BCHE: variants seen among roughly 807,000 people sequenced by gnomAD.
The protein encoded by BCHE is cholinesterase.
Under a neutral mutation model 51.3 loss-of-function variants are expected in BCHE, and 48 were observed. That is an observed-to-expected ratio of 0.94 (90% CI 0.74 to 1.19). The LOEUF (loss-of-function observed/expected upper bound fraction) is 1.19. Ranked by LOEUF, BCHE falls within the 50% of genes most tolerant of loss-of-function variation. BCHE has a pLI of 0.00. For synonymous variants in BCHE, 251 were observed against 238.0 expected, an observed-to-expected ratio of 1.05 and a Z score of -0.50; for missense variants, 847 against 708.2, an observed-to-expected ratio of 1.20 and a Z score of -2.23.
intron 2 of BCHE, among the ~76,000 whole-genome samples, chr3:165,796,205 G>A (rs1713369618): frequency 6.6e-6 from 1 of 152,126 alleles, no homozygotes; most frequent in Non-Finnish European, 1.5e-5. Context: ...ATGGAGGCAT[G>A]CAAAAATATT....
intron 2 of BCHE, among the ~76,000 whole-genome samples, chr3:165,808,119 G>A (rs944969919): frequency 6.6e-6 from 1 of 152,036 alleles, no homozygotes; most frequent in Non-Finnish European, 1.5e-5. Context: ...GAGTAGCTGG[G>A]ACTACAGGTG....
chr3:165,836,343 T>G (rs1232141325), intron 1 of BCHE, among the ~76,000 whole-genome samples: 1 of 152,032 alleles, frequency 6.6e-6, no homozygotes, highest in East Asian at 1.9e-4. Context: ...TTGTATTTAT[T>G]GTAACTATGA....
At position 165,816,174 on chromosome 3, in the gene BCHE, T is replaced by C. The variant is rs971167248; in HGVS notation, c.1517+13343A>G. Among the ~76,000 whole-genome samples the C allele has an allele frequency of 3.3e-5, 5 of 151,880 alleles. No individual in the cohort carries two copies. In the South Asian group the frequency reaches 1.0e-3, roughly 31 times the overall value. ...CTAGGATGTTGTCTGTTTTTCTCTTTGCTACCTGTCTCTTGATTCCTTTTA... is the reference window on the plus strand; with the variant it reads ...CTAGGATGTTGTCTGTTTTTCTCTTCGCTACCTGTCTCTTGATTCCTTTTA... On this transcript the variant is annotated intron_variant, in intron 2 of 3. Transcript: ENST00000264381.
intron 1 of BCHE, among the ~76,000 whole-genome samples, chr3:165,836,002 G>A (rs1412913672): frequency 6.6e-6 from 1 of 151,796 alleles, no homozygotes; most frequent in Non-Finnish European, 1.5e-5. Flanking sequence ...ATCAAGAAAT[G>A]ACTCGAAGAA....
chr3:165,816,035 A>G lies in BCHE; in HGVS notation c.1517+13482T>C, dbSNP rs893560444. Among the ~76,000 whole-genome samples the G allele has an allele frequency of 9.2e-5, 14 of 151,994 alleles. No individual in the cohort carries two copies. The South Asian group carries it at 1.0e-3, about 11-fold the overall frequency. On this transcript the variant is annotated intron_variant, in intron 2 of 3. Transcript: ENST00000264381. ...GTCTTTCATCAAAAAAAAATCAATGAGTAATTCTCTTAAAATTTAGGGCAC... is the reference window on the plus strand; with the variant it reads ...GTCTTTCATCAAAAAAAAATCAATGGGTAATTCTCTTAAAATTTAGGGCAC...
At chr3:165,827,886 C>A in intron 2 of BCHE, 2 of 333,070 alleles carry the variant, frequency 6.0e-6, no homozygotes, top group South Asian at 2.3e-5. Context: ...TATAATAACC[C>A]ACATATCTTG....
intron 2 of BCHE, among the ~76,000 whole-genome samples, chr3:165,800,858 T>C (rs961452022): frequency 6.6e-6 from 1 of 152,160 alleles, no homozygotes; most frequent in African/African-American, 2.4e-5. Context: ...CTGAGATCCA[T>C]CAGTTTAATG....
chr3:165,781,075 A>G (rs777798842), intron 3 of BCHE, among the ~76,000 whole-genome samples: 4 of 151,866 alleles, frequency 2.6e-5, no homozygotes, highest in Non-Finnish European at 5.9e-5. Context: ...AACCCTGTCT[A>G]TACTAAAAAT....
At position 165,829,552 on chromosome 3, in the gene BCHE, G is replaced by A. The variant is rs764244573; in HGVS notation, c.1482C>T (p.Ser494=). 1.2e-6 allele frequency: 2 copies of A among 1,613,514 alleles called. No individual in the cohort carries two copies. The highest frequency in any genetic ancestry group is 2.2e-5 in the East Asian group (1 of 44,868). The change falls in exon 2 of 4, where the codon TCC becomes TCT. Residue 494 remains serine (S), a synonymous_variant. Transcript: ENST00000264381. ...YTKAEEILSR[S]IVKRWANFAK... is the part of the protein sequence containing the mutation. ...CAAAATTTGCCCACCGTTTCACTATGGATCTACTCAAAATTTCCTCGGCTT... is the reference window on the plus strand; with the variant it reads ...CAAAATTTGCCCACCGTTTCACTATAGATCTACTCAAAATTTCCTCGGCTT...
intron 2 of BCHE, among the ~76,000 whole-genome samples, chr3:165,809,378 C>T (rs1160984229): frequency 1.3e-5 from 2 of 152,052 alleles, no homozygotes; most frequent in African/African-American, 4.8e-5. Context: ...AAGCATTACA[C>T]TATTGCCAAA....
At chr3:165,801,538 A>C (rs1223202592) in intron 2 of BCHE, among the ~76,000 whole-genome samples, 1 of 152,184 alleles carries the variant, frequency 6.6e-6, no homozygotes, top group Admixed American at 6.5e-5. Context: ...CAAAGCATAT[A>C]ATATACATTA....
chr3:165,780,478 A>G (rs2108197669), intron 3 of BCHE, among the ~76,000 whole-genome samples: 2 of 152,342 alleles, frequency 1.3e-5, no homozygotes, highest in South Asian at 4.1e-4. Flanking sequence ...CAGGCAACCT[A>G]CAGAATGAGA....
At chr3:165,809,968 G>C (rs1445895422) in intron 2 of BCHE, among the ~76,000 whole-genome samples, 1 of 151,942 alleles carries the variant, frequency 6.6e-6, no homozygotes, top group East Asian at 1.9e-4. Flanking sequence ...TATTTTACAG[G>C]GGTCAGTAGA....
chr3:165,794,993 A>G (rs1387197513), intron 2 of BCHE, among the ~76,000 whole-genome samples: 1 of 152,086 alleles, frequency 6.6e-6, no homozygotes, highest in Admixed American at 6.6e-5. Flanking sequence ...TAAACCTAGG[A>G]AAATATACAC....
In BCHE at chr3:165,773,231, A is replaced by T; in HGVS notation, c.*151T>A. The T allele has an allele frequency of 1.5e-6, 1 of 682,648 alleles. No individual in the cohort carries two copies. The highest frequency in any genetic ancestry group is 2.4e-6 in the Non-Finnish European group (1 of 420,098). The allele number at this position is 682,648 out of a possible 1,614,324, so 42.3% of individuals were successfully genotyped here. A position where few individuals can be genotyped will look rare whatever the true frequency, so the allele number is the denominator to read the frequency against. On this transcript the variant is annotated 3_prime_UTR_variant, in exon 4 of 4. Transcript: ENST00000264381. ...TGGGTTTTGAAATGCTAGGTAAAATACTAAGTTAAAGATGTGAGGAATCAA... is the reference window on the plus strand; with the variant it reads ...TGGGTTTTGAAATGCTAGGTAAAATTCTAAGTTAAAGATGTGAGGAATCAA...
intron 3 of BCHE, among the ~76,000 whole-genome samples, chr3:165,785,694 C>T (rs866524072): frequency 2.0e-5 from 3 of 151,548 alleles, no homozygotes; most frequent in South Asian, 4.2e-4. Flanking sequence ...ATGTAAACTT[C>T]GGAGTTTTTT....
chr3:165,833,630 G>T (rs569817331), intron 1 of BCHE, among the ~76,000 whole-genome samples: 10 of 152,084 alleles, frequency 6.6e-5, no homozygotes, highest in South Asian at 2.1e-4. Context: ...ATGACTTAAA[G>T]TTTCCTGTTA....
At chr3:165,789,413 T>G (rs1713085480) in intron 2 of BCHE, among the ~76,000 whole-genome samples, 1 of 152,036 alleles carries the variant, frequency 6.6e-6, no homozygotes, top group African/African-American at 2.4e-5. Context: ...GAAAAAGACA[T>G]CAATTGATTC....
intron 2 of BCHE, among the ~76,000 whole-genome samples, chr3:165,810,631 G>T (rs1714055962): frequency 6.6e-6 from 1 of 152,154 alleles, no homozygotes. Flanking sequence ...TAGTCGACGT[G>T]CTGCTGGGAG....
Sources: allele counts gnomAD v4.1 joint callset (sites outside exome capture counted in the v4.1 genomes callset), GRCh38; gene constraint gnomAD v4.1.1; transcripts MANE v1.5; gene names NCBI Gene and HGNC (gene_info 2026-07-23, HGNC 2026-07-21).